CNTN5: variants seen among roughly 807,000 people sequenced by gnomAD.
The protein encoded by CNTN5 is contactin 5, also known as contactin-5.
CNTN5 carries 77 observed loss-of-function variants against 129.1 expected under a neutral mutation model. The ratio of observed to expected loss-of-function variants is 0.60; its 90% CI spans 0.50 to 0.72. The LOEUF (loss-of-function observed/expected upper bound fraction) is 0.72. Among genes scored for constraint, CNTN5 ranks in the 30% least tolerant of loss-of-function variants. The pLI is 0.00. For synonymous variants in CNTN5, 509 were observed against 465.6 expected (o/e 1.09, Z -1.20); for missense variants, 1,478 against 1,328.8 (o/e 1.11, Z -1.75).
rs150624892 is a variant in CNTN5, at chr11:99,201,573, G to A, written c.-209-123773G>A. Among the ~76,000 whole-genome samples, 30 of 152,212 alleles carry A rather than the reference G, an allele frequency of 2.0e-4. No individual in the cohort carries two copies. The East Asian group carries it at 5.8e-3, about 29-fold the overall frequency. On this transcript the variant is annotated intron_variant, in intron 1 of 24. Transcript: ENST00000524871. ...AAGATTGAAGGTTGTGGATGGATTT[G>A]GTGATTGCTAATCAGGTGACATTAA... is the stretch of plus-strand genomic sequence containing the variant.
intron 1 of CNTN5, among the ~76,000 whole-genome samples, chr11:99,145,319 C>T (rs1264159401): frequency 2.0e-5 from 3 of 151,996 alleles, no homozygotes; most frequent in African/African-American, 7.3e-5. Context: ...ATTCACCCAC[C>T]TCGGCCTCCC....
chr11:99,935,910 G>T (rs11221953), intron 7 of CNTN5, among the ~76,000 whole-genome samples: 1 of 151,980 alleles, frequency 6.6e-6, no homozygotes, highest in Admixed American at 6.6e-5. Flanking sequence ...ATATTTCCTA[G>T]CCTTTCTTTT....
At chr11:99,285,326 A>T (rs886545390) in intron 1 of CNTN5, among the ~76,000 whole-genome samples, 4 of 152,144 alleles carry the variant, frequency 2.6e-5, no homozygotes, top group Non-Finnish European at 5.9e-5. Context: ...AAGCAATTTT[A>T]TTGAGTAAAT....
At chr11:100,110,586 A>T (rs1176417677) in intron 13 of CNTN5, among the ~76,000 whole-genome samples, 1 of 152,222 alleles carries the variant, frequency 6.6e-6, no homozygotes, top group East Asian at 1.9e-4. Flanking sequence ...TAAACCATAT[A>T]ATGAGAATAA....
intron 4 of CNTN5, among the ~76,000 whole-genome samples, chr11:99,842,489 TAATC>T (rs1164390198): frequency 1.3e-5 from 2 of 152,338 alleles, no homozygotes; most frequent in South Asian, 4.1e-4. Context: ...GAGTAGCAGA[TAATC>T]AAAGATGTTT....
At chr11:100,308,236 A>G (rs1951399152) in intron 20 of CNTN5, 123 bp from the exon 21 acceptor site, 2 of 810,070 alleles carry the variant, frequency 2.5e-6, no homozygotes, top group Admixed American at 6.2e-5. Context: ...TGTGTTTTTT[A>G]TAACTACCAC....
At chr11:99,529,303 A>G (rs1344905929) in intron 2 of CNTN5, among the ~76,000 whole-genome samples, 1 of 152,192 alleles carries the variant, frequency 6.6e-6, no homozygotes, top group African/African-American at 2.4e-5. Flanking sequence ...CGAAGTTTCT[A>G]TGTATGACTT....
At chr11:99,621,932 C>T (rs1442793194) in intron 3 of CNTN5, among the ~76,000 whole-genome samples, 8 of 152,132 alleles carry the variant, frequency 5.3e-5, no homozygotes, top group Admixed American at 1.3e-4. Context: ...GTTGGCACTG[C>T]TATCCACTGA....
chr11:99,495,865 T>C (rs1008732522), intron 2 of CNTN5, among the ~76,000 whole-genome samples: 3 of 152,074 alleles, frequency 2.0e-5, no homozygotes, highest in African/African-American at 7.2e-5. Context: ...ATAAAACCAA[T>C]ATAATATGGT....
chr11:99,639,783 G>A (rs1278634817), intron 3 of CNTN5, among the ~76,000 whole-genome samples: 7 of 151,896 alleles, frequency 4.6e-5, no homozygotes, highest in Non-Finnish European at 7.4e-5. Context: ...AGGCTGGTCT[G>A]AAACACCAGA....
At chr11:99,501,850 G>A (rs1278614434) in intron 2 of CNTN5, among the ~76,000 whole-genome samples, 1 of 152,148 alleles carries the variant, frequency 6.6e-6, no homozygotes, top group African/African-American at 2.4e-5. Context: ...AGTATTTTCA[G>A]TATTTGATTT....
At chr11:99,741,786 C>A (rs1289683015) in intron 3 of CNTN5, among the ~76,000 whole-genome samples, 2 of 151,998 alleles carry the variant, frequency 1.3e-5, no homozygotes, top group African/African-American at 4.8e-5. Context: ...TACCTTAAGG[C>A]AGGTTAAGTA....
chr11:99,273,642 C>T (rs1298289335), intron 1 of CNTN5, among the ~76,000 whole-genome samples: 1 of 151,502 alleles, frequency 6.6e-6, no homozygotes, highest in Admixed American at 6.6e-5. Context: ...TATTTTGATA[C>T]CTTTTTTCTT....
chr11:99,237,562 T>A (rs1233091372), intron 1 of CNTN5, among the ~76,000 whole-genome samples: 7 of 152,034 alleles, frequency 4.6e-5, no homozygotes, highest in African/African-American at 1.4e-4. Context: ...ACACCTGTAG[T>A]CCCAGGTACT....
intron 8 of CNTN5, among the ~76,000 whole-genome samples, chr11:99,985,087 G>T (rs1938595089): frequency 6.6e-6 from 1 of 152,128 alleles, no homozygotes; most frequent in Admixed American, 6.5e-5. Context: ...TACCCATAGA[G>T]TGCAGTGTAT....
At chr11:99,128,940 C>T (rs1322986547) in intron 1 of CNTN5, among the ~76,000 whole-genome samples, 2 of 152,272 alleles carry the variant, frequency 1.3e-5, no homozygotes, top group African/African-American at 4.8e-5. Flanking sequence ...AAACCCCATA[C>T]AAACCCTATC....
chr11:100,309,230 T>G lies in CNTN5; in HGVS notation c.2730+762T>G, dbSNP rs1951419266. The G allele has an allele frequency of 5.1e-6, 5 of 984,828 alleles. No homozygotes were observed. The Admixed American group carries it at 3.1e-4, about 61-fold the overall frequency. The allele number at this position is 984,828 out of a possible 1,614,324, so 61.0% of individuals were successfully genotyped here. A position where few individuals can be genotyped will look rare whatever the true frequency, so the allele number is the denominator to read the frequency against. ...GCATTTAAAAAAATTTATTCTTACT[T>G]TTCCTCTGCTTCAGTTCCCATTAAG... On this transcript the variant is annotated intron_variant, in intron 21 of 24. Coordinates refer to ENST00000524871, the MANE Select transcript of CNTN5 (RefSeq NM_014361.4).
chr11:100,342,850 C>T (rs1247376148), intron 23 of CNTN5, among the ~76,000 whole-genome samples: 2 of 152,098 alleles, frequency 1.3e-5, no homozygotes, highest in Non-Finnish European at 2.9e-5. Context: ...GAAAAAATAT[C>T]ACTGGCCACT....
intron 8 of CNTN5, among the ~76,000 whole-genome samples, chr11:99,975,599 G>T (rs1270416982): frequency 2.0e-5 from 3 of 152,112 alleles, no homozygotes; most frequent in Admixed American, 2.0e-4. Context: ...TATGGCAGAA[G>T]GTGAAGGAAA....
Sources: gnomAD v4.1 joint callset for allele counts (sites outside exome capture counted in the v4.1 genomes callset) on GRCh38, gnomAD v4.1.1 for gene constraint, MANE v1.5 for transcripts, NCBI Gene and HGNC (gene_info 2026-07-23, HGNC 2026-07-21) for gene names.